Variants in CSMD1 observed in about 807,000 individuals in gnomAD.
CSMD1 encodes CUB and sushi domain-containing protein 1.
A neutral mutation model predicts 417.5 loss-of-function variants in CSMD1; 213 were observed. That is an observed-to-expected ratio of 0.51 (90% CI 0.46 to 0.57). The LOEUF is 0.57. CSMD1 is among the 20% of genes least tolerant of loss of function. The pLI is 0.00. For missense variants in CSMD1, 6,923 were observed against 4,529.7 expected, an observed-to-expected ratio of 1.53 and a Z score of -15.17; for synonymous variants, 2,862 against 1,736.8, an observed-to-expected ratio of 1.65 and a Z score of -16.11.
At chr8:3,509,169 C>A (rs1796959101) in intron 10 of CSMD1, among the ~76,000 whole-genome samples, 1 of 152,116 alleles carries the variant, frequency 6.6e-6, no homozygotes, top group Non-Finnish European at 1.5e-5. Flanking sequence ...TCAAAAGTTT[C>A]TATGTCAAGA....
intron 3 of CSMD1, among the ~76,000 whole-genome samples, chr8:4,184,298 A>G (rs17069238): frequency 0.055 from 8,327 of 152,254 alleles, 309 homozygotes; most frequent in African/African-American, 0.095. Context: ...TCAGGAATTA[A>G]TGGCTGAGGC....
At chr8:3,649,807 T>C (rs906300638) in intron 7 of CSMD1, among the ~76,000 whole-genome samples, 1 of 152,216 alleles carries the variant, frequency 6.6e-6, no homozygotes, top group African/African-American at 2.4e-5. Flanking sequence ...CTTATTACAA[T>C]GTAAGTATAA....
At chr8:4,839,194 C>G (rs369073910) in intron 1 of CSMD1, among the ~76,000 whole-genome samples, 3 of 152,278 alleles carry the variant, frequency 2.0e-5, no homozygotes, top group African/African-American at 7.2e-5. Context: ...GAAGGAAGCT[C>G]TGTCATGAGT....
intron 1 of CSMD1, among the ~76,000 whole-genome samples, chr8:4,913,919 C>G (rs1351728039): frequency 6.6e-6 from 1 of 152,116 alleles, no homozygotes; most frequent in Non-Finnish European, 1.5e-5. Flanking sequence ...AATGCGATTA[C>G]CAAAGGAATG....
intron 1 of CSMD1, among the ~76,000 whole-genome samples, chr8:4,900,487 G>A (rs555317891): frequency 3.4e-4 from 51 of 152,128 alleles, no homozygotes; most frequent in African/African-American, 1.2e-3. Context: ...CCTTCACCCT[G>A]GCCCAGGCTG....
intron 3 of CSMD1, among the ~76,000 whole-genome samples, chr8:4,124,993 T>C (rs868416788): frequency 6.6e-6 from 1 of 152,124 alleles, no homozygotes; most frequent in Non-Finnish European, 1.5e-5. Context: ...TGCTTTCCTT[T>C]CACTTTCATA....
intron 5 of CSMD1, among the ~76,000 whole-genome samples, chr8:3,933,850 C>G (rs930057491): frequency 7.9e-5 from 12 of 152,098 alleles, no homozygotes; most frequent in Non-Finnish European, 1.3e-4. Context: ...CTGCTGTGCT[C>G]TGAACTATTT....
chr8:3,995,989 G>T (rs767470414), intron 5 of CSMD1, among the ~76,000 whole-genome samples: 1 of 152,102 alleles, frequency 6.6e-6, no homozygotes, highest in Non-Finnish European at 1.5e-5. Context: ...AGTCTCTCTG[G>T]CTATCTGTGC....
intron 3 of CSMD1, among the ~76,000 whole-genome samples, chr8:4,116,000 ATTTATTTATTTATTTATG>A (rs1455096054): frequency 6.7e-6 from 1 of 148,892 alleles, no homozygotes; most frequent in Non-Finnish European, 1.5e-5. Flanking sequence ...TTATTTATTT[ATTTATTTATTTATTTATG>A]GAGAGGGAGT....
chr8:4,496,260 A>G (rs1801972166), intron 2 of CSMD1, among the ~76,000 whole-genome samples: 1 of 152,208 alleles, frequency 6.6e-6, no homozygotes. Context: ...TGTGCACCAC[A>G]GCAGTCCGTG....
chr8:3,760,433 G>A (rs955294182), intron 5 of CSMD1, among the ~76,000 whole-genome samples: 1 of 152,130 alleles, frequency 6.6e-6, no homozygotes, highest in Non-Finnish European at 1.5e-5. Flanking sequence ...AATAGAACAG[G>A]CCAGTCTGTT....
intron 3 of CSMD1, among the ~76,000 whole-genome samples, chr8:4,348,362 T>G (rs1045102128): frequency 6.6e-6 from 1 of 152,038 alleles, no homozygotes; most frequent in African/African-American, 2.4e-5. Flanking sequence ...CACCCAAGTG[T>G]ACTACGCTAC....
chr8:4,760,877 G>C (rs558754770), intron 1 of CSMD1, among the ~76,000 whole-genome samples: 3 of 152,132 alleles, frequency 2.0e-5, no homozygotes, highest in Admixed American at 6.5e-5. Flanking sequence ...CTCATGTCAT[G>C]ACCTTTTAGA....
chr8:3,716,658 C>G (rs1270640012), intron 6 of CSMD1, among the ~76,000 whole-genome samples: 1 of 152,152 alleles, frequency 6.6e-6, no homozygotes, highest in Non-Finnish European at 1.5e-5. Flanking sequence ...CTCTCTCATC[C>G]TGTGACTAAG....
intron 2 of CSMD1, among the ~76,000 whole-genome samples, chr8:4,431,762 G>C (rs1563166333): frequency 6.6e-6 from 1 of 152,056 alleles, no homozygotes; most frequent in Non-Finnish European, 1.5e-5. Flanking sequence ...CCAAACTTCA[G>C]TAACCTGGCA....
At chr8:4,943,608 A>C (rs181432865) in intron 1 of CSMD1, among the ~76,000 whole-genome samples, 234 of 152,320 alleles carry the variant, frequency 1.5e-3, no homozygotes, top group African/African-American at 5.3e-3. Flanking sequence ...TATATCTCAT[A>C]TATCAAATGA....
At chr8:3,931,260 C>A (rs902179394) in intron 5 of CSMD1, among the ~76,000 whole-genome samples, 3 of 150,354 alleles carry the variant, frequency 2.0e-5, no homozygotes, top group Non-Finnish European at 4.4e-5. Context: ...TCAGAACGCT[C>A]TGCATTTTGA....
chr8:4,231,924 T>A (rs936653019), intron 3 of CSMD1, among the ~76,000 whole-genome samples: 3 of 21,860 alleles, frequency 1.4e-4, no homozygotes, highest in African/African-American at 5.7e-4. Flanking sequence ...ATACATAAAA[T>A]ATGTGTTTTC....
Position 3,625,366 on chromosome 8 carries a change from G to C in CSMD1, c.1010-8569C>G, listed in dbSNP as rs575235060. On this transcript the variant is annotated intron_variant, in intron 7 of 69. Transcript: ENST00000635120. The stretch of plus-strand genomic sequence containing the variant: ...GAAGAGCTTCCAACCCTGAGTGAGA[G>C]ACAAGGGCTGCATTTTCCAAGTGTT... Among the ~76,000 whole-genome samples the C allele has an allele frequency of 3.3e-5, 5 of 152,202 alleles. 1 individual carries two copies. The highest frequency in any genetic ancestry group is 9.6e-5 in the African/African-American group (4 of 41,534).
Sources: gnomAD v4.1 joint callset for allele counts (sites outside exome capture counted in the v4.1 genomes callset) on GRCh38, gnomAD v4.1.1 for gene constraint, MANE v1.5 for transcripts, NCBI Gene and HGNC (gene_info 2026-07-23, HGNC 2026-07-21) for gene names.